Variants in HDAC9 observed in about 807,000 individuals in gnomAD.
HDAC9 encodes MEF-2 interacting transcription repressor (MITR) protein.
HDAC9 carries 41 observed loss-of-function variants against 139.4 expected under a neutral mutation model. The ratio of observed to expected loss-of-function variants is 0.29; its 90% CI spans 0.23 to 0.38. The LOEUF (loss-of-function observed/expected upper bound fraction) is 0.38, where lower values mean the gene tolerates loss of function less well. Among genes scored for constraint, HDAC9 ranks in the 10% least tolerant of loss-of-function variants. The pLI is 1.00. For missense variants in HDAC9, 1,147 were observed against 1,297.0 expected (o/e 0.88, Z 1.78); for synonymous variants, 517 against 476.2 (o/e 1.09, Z -1.12).
chr7:18,855,788 G>A (rs1247490273), intron 21 of HDAC9, among the ~76,000 whole-genome samples: 1 of 152,022 alleles, frequency 6.6e-6, no homozygotes, highest in African/African-American at 2.4e-5. Flanking sequence ...AACGGTAGCT[G>A]ATTCTATTAC....
intron 2 of HDAC9, chr7:18,162,759 C>T (rs978879156): frequency 5.7e-6 from 1 of 175,034 alleles, no homozygotes; most frequent in Non-Finnish European, 1.2e-5. Context: ...CCACCTCCAT[C>T]TCTTTGACAC....
chr7:18,337,426 T>C (rs1781665088), intron 1 of HDAC9, among the ~76,000 whole-genome samples: 1 of 151,748 alleles, frequency 6.6e-6, no homozygotes, highest in Non-Finnish European at 1.5e-5. Context: ...CAGCTTATTT[T>C]TTTAACATTC....
At chr7:18,528,484 T>C (rs1036119240) in intron 2 of HDAC9, among the ~76,000 whole-genome samples, 1 of 152,166 alleles carries the variant, frequency 6.6e-6, no homozygotes, top group Non-Finnish European at 1.5e-5. Context: ...TCAGATCCTT[T>C]AGTTAAAAAT....
chr7:18,181,477 A>G (rs770992418), intron 2 of HDAC9, among the ~76,000 whole-genome samples: 4 of 152,270 alleles, frequency 2.6e-5, no homozygotes, highest in Non-Finnish European at 4.4e-5. Context: ...AGCCACCAGC[A>G]TGCCTCAGTA....
At chr7:18,459,015 C>G in intron 1 of HDAC9, 1 of 779,020 alleles carries the variant, frequency 1.3e-6, no homozygotes, top group Non-Finnish European at 2.1e-6. Context: ...ACAACTTGGC[C>G]AAGATATGCT....
chr7:18,642,759 C>T (rs373659060), intron 8 of HDAC9, among the ~76,000 whole-genome samples: 30 of 152,024 alleles, frequency 2.0e-4, no homozygotes, highest in African/African-American at 5.3e-4. Flanking sequence ...GCCATTATTA[C>T]GTCTGAGAAG....
intron 12 of HDAC9, among the ~76,000 whole-genome samples, chr7:18,687,432 G>A (rs1459027599): frequency 6.6e-6 from 1 of 151,804 alleles, no homozygotes; most frequent in African/African-American, 2.4e-5. Flanking sequence ...ATATTTTTAT[G>A]TTATAATTGA....
At chr7:18,561,400 G>T (rs766363024) in intron 2 of HDAC9, among the ~76,000 whole-genome samples, 3 of 152,064 alleles carry the variant, frequency 2.0e-5, no homozygotes, top group Non-Finnish European at 4.4e-5. Flanking sequence ...TATGCCTAGA[G>T]CTCAGTATAT....
intron 1 of HDAC9, among the ~76,000 whole-genome samples, chr7:18,409,258 G>T (rs1321969946): frequency 2.0e-5 from 3 of 152,120 alleles, no homozygotes; most frequent in Non-Finnish European, 2.9e-5. Flanking sequence ...ATTAAAATTT[G>T]CAGGTGGTTC....
intron 2 of HDAC9, among the ~76,000 whole-genome samples, chr7:18,283,989 A>C (rs1161568457): frequency 6.6e-6 from 1 of 152,134 alleles, no homozygotes; most frequent in African/African-American, 2.4e-5. Context: ...AAGTTAAACC[A>C]ATGTGTTTAA....
chr7:18,708,130 CT>C (rs903060199), intron 12 of HDAC9, among the ~76,000 whole-genome samples: 2 of 152,042 alleles, frequency 1.3e-5, no homozygotes, highest in African/African-American at 4.8e-5. Flanking sequence ...GATGTGGGTG[CT>C]GATAAGAGTG....
intron 2 of HDAC9, among the ~76,000 whole-genome samples, chr7:18,227,613 C>T (rs1350360867): frequency 6.6e-6 from 1 of 152,038 alleles, no homozygotes; most frequent in East Asian, 1.9e-4. Context: ...CTGGTAAAAC[C>T]CTTCCCAATT....
rs150043247 is a variant in HDAC9, at chr7:18,865,465, G to C, written c.2685-9013G>C. Among the ~76,000 whole-genome samples the C allele has an allele frequency of 2.4e-3, 368 of 152,278 alleles. 1 individual carries two copies. The highest frequency in any genetic ancestry group is 0.02 in the Middle Eastern group (6 of 294). On this transcript the variant is annotated intron_variant, in intron 21 of 25. Coordinates refer to ENST00000686413, the MANE Select transcript of HDAC9 (RefSeq NM_178425.4). ...GGGTGAATGCTAAGGAAGAAGAGCA[G>C]GACTTATTCAGGTCTGGGCTGGTGG... is the stretch of plus-strand genomic sequence containing the variant.
chr7:18,556,279 A>G (rs983183805), intron 2 of HDAC9, among the ~76,000 whole-genome samples: 1 of 152,080 alleles, frequency 6.6e-6, no homozygotes, highest in African/African-American at 2.4e-5. Context: ...AACAGTTACA[A>G]AGATTTGTGT....
chr7:18,988,071 G>A (rs920698731), intron 25 of HDAC9, among the ~76,000 whole-genome samples: 2 of 152,044 alleles, frequency 1.3e-5, no homozygotes, highest in Non-Finnish European at 2.9e-5. Context: ...ATTCAGTTCT[G>A]CTCTGATTTT....
rs61496259 is a variant in HDAC9 at position 18,707,854 on chromosome 7, AGT to A, written c.1732-19705_1732-19704del. Among the ~76,000 whole-genome samples, 87 of 149,392 alleles carry A rather than the reference AGT, an allele frequency of 5.8e-4. 1 individual carries two copies. Among genetic ancestry groups the A allele is most frequent in the South Asian group, 1.9e-3 (9 of 4,674 alleles). ...GAAGGGAACACAGGGAGGGGAAAGGAGTGTGTGTGTGTGTGTGTGTGTATGCA... is the reference window on the plus strand; with the variant it reads ...GAAGGGAACACAGGGAGGGGAAAGGAGTGTGTGTGTGTGTGTGTGTATGCA... On this transcript the variant is annotated intron_variant, in intron 12 of 25. Transcript: ENST00000686413.
intron 2 of HDAC9, among the ~76,000 whole-genome samples, chr7:18,209,787 G>A (rs536905453): frequency 1.8e-4 from 27 of 151,696 alleles, no homozygotes; most frequent in Middle Eastern, 3.4e-3. Flanking sequence ...TGTAAGCTCC[G>A]CCTCCCAGTT....
intron 1 of HDAC9, among the ~76,000 whole-genome samples, chr7:18,317,910 A>G (rs1298760224): frequency 6.6e-6 from 1 of 152,220 alleles, no homozygotes; most frequent in Non-Finnish European, 1.5e-5. Flanking sequence ...TCTGTCTTGC[A>G]TAAATGGCCT....
At chr7:18,895,912 T>TAAATGG (rs1200901494) in intron 22 of HDAC9, among the ~76,000 whole-genome samples, 2 of 152,186 alleles carry the variant, frequency 1.3e-5, no homozygotes, top group African/African-American at 4.8e-5. Flanking sequence ...TGGACATATT[T>TAAATGG]CCAAAAGGGA....
Sources: gnomAD v4.1 joint callset for allele counts (sites outside exome capture counted in the v4.1 genomes callset) on GRCh38, gnomAD v4.1.1 for gene constraint, MANE v1.5 for transcripts, NCBI Gene and HGNC (gene_info 2026-07-23, HGNC 2026-07-21) for gene names.